CNTNAP5: variants seen among roughly 807,000 people sequenced by gnomAD.
The protein encoded by CNTNAP5 is contactin associated protein family member 5.
CNTNAP5 carries 72 observed loss-of-function variants against 150.2 expected under a neutral mutation model. That is an observed-to-expected ratio of 0.48 (90% CI 0.40 to 0.58). The LOEUF is 0.58. Ranked by LOEUF, CNTNAP5 falls within the 20% of genes least tolerant of loss-of-function variation. CNTNAP5 has a pLI of 0.00. For missense variants in CNTNAP5, 1,636 were observed against 1,626.2 expected (o/e 1.01, Z -0.10); for synonymous variants, 672 against 619.8 (o/e 1.08, Z -1.25).
At position 124,119,502 on chromosome 2, in the gene CNTNAP5, T is replaced by G. The variant is rs1220146349; in HGVS notation, c.82+93770T>G. On this transcript the variant is annotated intron_variant, in intron 1 of 23. Transcript: ENST00000682447. ...CCAGTAAAAACAAAACACTTTCAAT[T>G]TTTAAAAATTTTGTCTATAGCACTG... 3.3e-5 allele frequency among the ~76,000 whole-genome samples: 5 copies of G among 152,144 alleles called. No homozygotes were observed. The East Asian group carries it at 9.6e-4, about 29-fold the overall frequency.
intron 8 of CNTNAP5, among the ~76,000 whole-genome samples, chr2:124,515,547 A>G (rs1255527999): frequency 2.4e-5 from 1 of 42,136 alleles, no homozygotes; most frequent in African/African-American, 8.9e-5. Flanking sequence ...TCAATCATTC[A>G]TCACGTTTTA....
intron 10 of CNTNAP5, among the ~76,000 whole-genome samples, chr2:124,543,899 C>G (rs11890329): frequency 1.3e-5 from 2 of 151,928 alleles, no homozygotes; most frequent in East Asian, 3.9e-4. Flanking sequence ...TGGATTCTAA[C>G]TAGAATCACC....
intron 13 of CNTNAP5, among the ~76,000 whole-genome samples, chr2:124,681,942 G>T (rs191556739): frequency 6.6e-6 from 1 of 151,978 alleles, no homozygotes; most frequent in African/African-American, 2.4e-5. Context: ...ATAATTTAGT[G>T]GCCAGCCAAT....
intron 1 of CNTNAP5, among the ~76,000 whole-genome samples, chr2:124,116,809 C>T (rs1345041937): frequency 6.6e-6 from 1 of 152,182 alleles, no homozygotes; most frequent in African/African-American, 2.4e-5. Context: ...CCTCCTACAT[C>T]ATCTTTTGGA....
At chr2:124,509,446 G>A (rs1003605365) in intron 8 of CNTNAP5, among the ~76,000 whole-genome samples, 16 of 152,264 alleles carry the variant, frequency 1.1e-4, no homozygotes, top group African/African-American at 3.6e-4. Context: ...TGTAAGGGAT[G>A]TGAAAGTAGA....
chr2:124,563,978 C>T (rs547580300), intron 11 of CNTNAP5, among the ~76,000 whole-genome samples: 3 of 152,230 alleles, frequency 2.0e-5, no homozygotes, highest in African/African-American at 4.8e-5. Flanking sequence ...GCAATCTTGC[C>T]GTGGAATGGG....
chr2:124,852,873 C>T (rs976275778), intron 19 of CNTNAP5, among the ~76,000 whole-genome samples: 3 of 152,094 alleles, frequency 2.0e-5, no homozygotes, highest in African/African-American at 7.2e-5. Context: ...GAAAATGAAA[C>T]AAAAGAAACA....
At position 124,860,452 on chromosome 2, in the gene CNTNAP5, TTTCCTTCCTTCCTTCC is replaced by T. The variant is rs1184201565; in HGVS notation, c.3218-4818_3218-4803del. Among the ~76,000 whole-genome samples, 187 of 48,256 alleles carry T rather than the reference TTTCCTTCCTTCCTTCC, an allele frequency of 3.9e-3. 4 individuals are homozygous for T. The highest frequency in any genetic ancestry group is 0.025 in the South Asian group (34 of 1,384). The allele number at this position is 48,256 out of a possible 152,430, so 31.7% of individuals were successfully genotyped here. On this transcript the variant is annotated intron_variant, in intron 19 of 23. Transcript: ENST00000682447. ...CCTTCCTTCCTTCCTTCCTTCCTTC[TTTCCTTCCTTCCTTCC>T]TTCCTTCCTTCCTTCCTTCCTTCCT...
intron 13 of CNTNAP5, among the ~76,000 whole-genome samples, chr2:124,653,976 G>A (rs1678380699): frequency 7.5e-6 from 1 of 132,958 alleles, no homozygotes; most frequent in Admixed American, 9.4e-5. Flanking sequence ...AGGTCCAGAA[G>A]GACAAATGAC....
At chr2:124,388,804 C>T (rs575681425) in intron 3 of CNTNAP5, among the ~76,000 whole-genome samples, 2 of 152,238 alleles carry the variant, frequency 1.3e-5, no homozygotes, top group Admixed American at 1.3e-4. Flanking sequence ...CCTCTGCCTC[C>T]CGAGTAGCTG....
chr2:124,443,813 C>CAT (rs1230822486), intron 5 of CNTNAP5, among the ~76,000 whole-genome samples: 11 of 143,736 alleles, frequency 7.7e-5, no homozygotes, highest in Non-Finnish European at 1.5e-4. Flanking sequence ...AATTCCTTGC[C>CAT]GTGTGTGTGT....
At chr2:124,388,392 G>A (rs752494602) in intron 3 of CNTNAP5, among the ~76,000 whole-genome samples, 6 of 152,158 alleles carry the variant, frequency 3.9e-5, no homozygotes, top group East Asian at 1.9e-4. Flanking sequence ...GCAAGCATGC[G>A]GTTCTGCAGG....
At chr2:124,536,319 T>C (rs1242494518) in intron 10 of CNTNAP5, among the ~76,000 whole-genome samples, 5 of 152,218 alleles carry the variant, frequency 3.3e-5, no homozygotes, top group Non-Finnish European at 7.3e-5. Context: ...GCCTACCAAG[T>C]GGGTTCTCAA....
chr2:124,690,830 C>T (rs1299296389), intron 13 of CNTNAP5, among the ~76,000 whole-genome samples: 1 of 152,090 alleles, frequency 6.6e-6, no homozygotes, highest in Non-Finnish European at 1.5e-5. Context: ...AATATATTCC[C>T]ATGGCTCTTT....
intron 3 of CNTNAP5, among the ~76,000 whole-genome samples, chr2:124,392,476 G>T (rs985991920): frequency 1.7e-4 from 26 of 152,048 alleles, no homozygotes; most frequent in Non-Finnish European, 3.8e-4. Flanking sequence ...CTTGAATGGA[G>T]ACAGAGCTAT....
intron 10 of CNTNAP5, among the ~76,000 whole-genome samples, chr2:124,560,223 G>A (rs1695856518): frequency 6.6e-6 from 1 of 152,096 alleles, no homozygotes; most frequent in African/African-American, 2.4e-5. Context: ...CATTTAAAGT[G>A]GGGCAGGTGC....
At chr2:124,162,399 A>T (rs1684702935) in intron 1 of CNTNAP5, among the ~76,000 whole-genome samples, 1 of 152,202 alleles carries the variant, frequency 6.6e-6, no homozygotes, top group Admixed American at 6.5e-5. Context: ...CAAGACAAAA[A>T]GAGGTTCAGT....
chr2:124,252,980 A>C (rs1052304308), intron 3 of CNTNAP5, among the ~76,000 whole-genome samples: 1 of 151,858 alleles, frequency 6.6e-6, no homozygotes, highest in Non-Finnish European at 1.5e-5. Flanking sequence ...AAACATATAC[A>C]TCTGTATGTG....
At chr2:124,745,952 G>T (rs1189463295) in intron 13 of CNTNAP5, among the ~76,000 whole-genome samples, 8 of 152,150 alleles carry the variant, frequency 5.3e-5, no homozygotes, top group Non-Finnish European at 1.5e-5. Flanking sequence ...GAAAGTTGTT[G>T]CTCTTTGTAT....
Sources: allele counts gnomAD v4.1 joint callset (sites outside exome capture counted in the v4.1 genomes callset), GRCh38; gene constraint gnomAD v4.1.1; transcripts MANE v1.5; gene names NCBI Gene and HGNC (gene_info 2026-07-23, HGNC 2026-07-21).